Variants in SLC12A1 observed in about 807,000 individuals in gnomAD.
SLC12A1 encodes the protein Na-K-2Cl cotransporter.
In SLC12A1, 89 loss-of-function variants were observed where a neutral mutation model predicts 130.4. The observed-to-expected ratio is 0.68, with a 90% CI of 0.58 to 0.81. SLC12A1 has a LOEUF of 0.81. Among genes scored for constraint, SLC12A1 ranks in the 40% least tolerant of loss-of-function variants. The pLI is 0.00. For missense variants in SLC12A1, 1,310 were observed against 1,336.4 expected, an observed-to-expected ratio of 0.98 and a Z score of 0.31; for synonymous variants, 499 against 460.0, an observed-to-expected ratio of 1.08 and a Z score of -1.09.
At chr15:48,270,105 G>T (rs762818325) in intron 19 of SLC12A1, among the ~76,000 whole-genome samples, 1 of 152,128 alleles carries the variant, frequency 6.6e-6, no homozygotes, top group Non-Finnish European at 1.5e-5. Context: ...TCTTGGGTTG[G>T]CTGGTGTCTC....
intron 19 of SLC12A1, 68 bp from the exon 20 acceptor site, chr15:48,274,503 A>G (rs749318391): frequency 1.0e-6 from 1 of 965,814 alleles, no homozygotes; most frequent in Non-Finnish European, 1.6e-6. Context: ...AGCAAGTGTA[A>G]TACTAGTCCA....
At chr15:48,264,980 A>G (rs1433268611) in intron 17 of SLC12A1, among the ~76,000 whole-genome samples, 2 of 152,176 alleles carry the variant, frequency 1.3e-5, no homozygotes, top group East Asian at 3.8e-4. Flanking sequence ...TTATATACTC[A>G]TATTTTGGAT....
At chr15:48,275,507 G>T (rs538463626) in intron 20 of SLC12A1, among the ~76,000 whole-genome samples, 1 of 152,026 alleles carries the variant, frequency 6.6e-6, no homozygotes, top group South Asian at 2.1e-4. Context: ...AGAAAGAAGG[G>T]GCACCTAACT....
intron 16 of SLC12A1, among the ~76,000 whole-genome samples, chr15:48,256,882 C>A (rs534849128): frequency 3.0e-5 from 4 of 131,882 alleles, no homozygotes; most frequent in African/African-American, 1.1e-4. Context: ...TCCCAACAGT[C>A]CCCCAAAGTC....
chr15:48,236,578 G>A (rs1217547899), intron 9 of SLC12A1, among the ~76,000 whole-genome samples: 13 of 152,132 alleles, frequency 8.5e-5, no homozygotes, highest in African/African-American at 3.1e-4. Context: ...CTTTGATTTT[G>A]TTCATTGCTG....
intron 9 of SLC12A1, chr15:48,237,203 C>T: frequency 1.7e-6 from 1 of 584,366 alleles, no homozygotes; most frequent in Admixed American, 3.1e-5. Context: ...AGTTTGCCGA[C>T]AGGACAAAGA....
chr15:48,222,855 G>A (rs920772971), intron 4 of SLC12A1: 2 of 152,198 alleles, frequency 1.3e-5, no homozygotes, highest in African/African-American at 4.8e-5. Flanking sequence ...AGAGCCAGAA[G>A]GAATCTGGAG....
chr15:48,291,791 C>A lies in SLC12A1; in HGVS notation c.2887C>A (p.Leu963Met), dbSNP rs1254584959. 3 of 1,560,112 alleles carry A rather than the reference C, an allele frequency of 1.9e-6. No homozygotes were observed. The highest frequency in any genetic ancestry group is 3.8e-5 in the Admixed American group (2 of 52,484). ...EEEKIVMASL[L>M]SKFRIKFADI... ...TTATATTTTCAGAATGGCTTCCCTT[C>A]TGAGCAAATTTAGGATAAAATTTGC... Residue 963 changes from leucine (L) to methionine (M), a missense_variant, in exon 24 of 27, where the codon CTG (leucine) becomes ATG (methionine). Coordinates refer to ENST00000380993, the MANE Select transcript of SLC12A1 (RefSeq NM_000338.3).
intron 12 of SLC12A1, 143 bp from the exon 13 acceptor site, chr15:48,247,194 A>G: frequency 1.1e-6 from 1 of 933,330 alleles, no homozygotes; most frequent in Non-Finnish European, 1.6e-6. Context: ...CAAATAATAT[A>G]AAGAATGATA....
chr15:48,284,942 C>T (rs542062474), intron 20 of SLC12A1, among the ~76,000 whole-genome samples, 164 bp from the exon 21 acceptor site: 1 of 152,204 alleles, frequency 6.6e-6, no homozygotes, highest in Non-Finnish European at 1.5e-5. Context: ...AAATATATTA[C>T]TTGTATTAGA....
chr15:48,255,205 C>A (rs1597432267), intron 15 of SLC12A1, among the ~76,000 whole-genome samples: 1 of 152,102 alleles, frequency 6.6e-6, no homozygotes, highest in Non-Finnish European at 1.5e-5. Context: ...TCTGAGAGAC[C>A]GAGATGGGTG....
chr15:48,264,508 A>T (rs2041810188), intron 17 of SLC12A1, among the ~76,000 whole-genome samples: 1 of 152,160 alleles, frequency 6.6e-6, no homozygotes, highest in African/African-American at 2.4e-5. Context: ...GAAAAAATGT[A>T]TTCTTTCTAG....
In SLC12A1 at chr15:48,229,210, C is replaced by A; in HGVS notation, c.746C>A (p.Ser249Tyr). 1 of 1,589,584 alleles carries A rather than the reference C, an allele frequency of 6.3e-7. No individual in the cohort carries two copies. The highest frequency in any genetic ancestry group is 8.6e-7 in the Non-Finnish European group (1 of 1,166,980). ...VRGGGAYYLISRSLGPEFGGS... is the reference protein window; with the variant it reads ...VRGGGAYYLIYRSLGPEFGGS... ...TCAGGTGGGGCCTACTATCTTATTT[C>A]CAGAAGTTTAGGGCCCGAGTTCGGT... Residue 249 changes from serine (S) to tyrosine (Y), a missense_variant, in exon 6 of 27, where the codon TCC becomes TAC. Ser to Tyr is a moderately radical substitution (Grantham distance 144). Coordinates refer to ENST00000380993, the MANE Select transcript of SLC12A1 (RefSeq NM_000338.3).
intron 11 of SLC12A1, among the ~76,000 whole-genome samples, chr15:48,245,251 G>A (rs1249093494): frequency 2.6e-5 from 4 of 152,142 alleles, no homozygotes; most frequent in Non-Finnish European, 5.9e-5. Flanking sequence ...TATAATTTTA[G>A]TTTTTATTCC....
intron 9 of SLC12A1, among the ~76,000 whole-genome samples, chr15:48,240,094 T>TATATATATATATCC (rs1555466592): frequency 1.5e-4 from 12 of 78,714 alleles, no homozygotes; most frequent in East Asian, 1.4e-3. Flanking sequence ...TATATATCCA[T>TATATATATATATCC]ATATATATAT....
intron 5 of SLC12A1, 192 bp downstream of exon 5, chr15:48,226,763 A>G: frequency 3.2e-6 from 2 of 622,884 alleles, no homozygotes; most frequent in Non-Finnish European, 5.6e-6. Flanking sequence ...CTCTTTTCTA[A>G]TGGATCTCTC....
At chr15:48,294,012 C>G (rs1220983131) in intron 24 of SLC12A1, among the ~76,000 whole-genome samples, 1 of 149,390 alleles carries the variant, frequency 6.7e-6, no homozygotes, top group Non-Finnish European at 1.5e-5. Context: ...GCACTGCAGC[C>G]TGGGTGACAG....
intron 7 of SLC12A1, among the ~76,000 whole-genome samples, chr15:48,231,860 A>G (rs1316117804): frequency 6.6e-6 from 1 of 152,114 alleles, no homozygotes; most frequent in Non-Finnish European, 1.5e-5. Context: ...TATTAAAAAT[A>G]TAAAATTAGC....
chr15:48,266,249 T>C (rs1169444210), intron 17 of SLC12A1, among the ~76,000 whole-genome samples: 2 of 152,234 alleles, frequency 1.3e-5, no homozygotes, highest in Non-Finnish European at 2.9e-5. Flanking sequence ...TCAGTGTTCC[T>C]GCAAGCACAG....
Sources: allele counts gnomAD v4.1 joint callset (sites outside exome capture counted in the v4.1 genomes callset), GRCh38; gene constraint gnomAD v4.1.1; transcripts MANE v1.5; gene names NCBI Gene and HGNC (gene_info 2026-07-23, HGNC 2026-07-21).